Variants in COL25A1 observed in about 807,000 individuals in gnomAD.
COL25A1 encodes the protein collagen type XXV alpha 1 chain, also known as collagen alpha-1(XXV) chain.
Under a neutral mutation model 128.4 loss-of-function variants are expected in COL25A1, and 103 were observed. The observed-to-expected ratio is 0.80, with a 90% CI of 0.68 to 0.94. The LOEUF (loss-of-function observed/expected upper bound fraction) is 0.94, where lower values mean the gene tolerates loss of function less well. COL25A1 is among the 40% of genes least tolerant of loss of function. The pLI is 0.00. For synonymous variants in COL25A1, 279 were observed against 277.2 expected (o/e 1.01, Z -0.06); for missense variants, 745 against 840.0 (o/e 0.89, Z 1.40).
At chr4:108,827,084 G>T (rs959774357) in intron 33 of COL25A1, 51 bp downstream of exon 33, 2 of 1,512,934 alleles carry the variant, frequency 1.3e-6, no homozygotes, top group Admixed American at 3.4e-5. Flanking sequence ...GTCAGTGACT[G>T]GTCATCTATG....
intron 18 of COL25A1, among the ~76,000 whole-genome samples, chr4:108,886,469 TGTGTGTGTG>T (rs1740797582): frequency 8.1e-6 from 1 of 122,854 alleles, no homozygotes; most frequent in East Asian, 4.7e-4. Flanking sequence ...TGTGTGTGTG[TGTGTGTGTG>T]TGTGTGTGTG....
chr4:109,174,529 A>T (rs1156834661), intron 3 of COL25A1, among the ~76,000 whole-genome samples: 12 of 152,170 alleles, frequency 7.9e-5, no homozygotes, highest in Non-Finnish European at 1.8e-4. Flanking sequence ...TGCCTCTCAC[A>T]GCCTTTGCTC....
chr4:109,274,872 ACT>A (rs1233798720), intron 3 of COL25A1, among the ~76,000 whole-genome samples: 3 of 152,130 alleles, frequency 2.0e-5, no homozygotes, highest in South Asian at 2.1e-4. Context: ...CGAATAATTA[ACT>A]CTCTCTATGA....
At chr4:108,838,073 A>G (rs1201565568) in intron 31 of COL25A1, 2 of 1,505,138 alleles carry the variant, frequency 1.3e-6, no homozygotes, top group African/African-American at 2.8e-5. Flanking sequence ...GATTTGCACT[A>G]AAATGGAAAG....
chr4:108,941,206 A>C (rs1748045972), intron 9 of COL25A1, among the ~76,000 whole-genome samples, 160 bp downstream of exon 9: 1 of 152,204 alleles, frequency 6.6e-6, no homozygotes, highest in Non-Finnish European at 1.5e-5. Context: ...TTTCAAACAA[A>C]TGCAGCTCAC....
At chr4:109,281,116 T>C (rs1723349161) in intron 3 of COL25A1, among the ~76,000 whole-genome samples, 1 of 152,188 alleles carries the variant, frequency 6.6e-6, no homozygotes, top group South Asian at 2.1e-4. Flanking sequence ...AGTACAAGAA[T>C]ACACTTTACA....
intron 8 of COL25A1, among the ~76,000 whole-genome samples, chr4:108,953,496 T>G (rs951417617): frequency 6.6e-6 from 1 of 152,132 alleles, no homozygotes; most frequent in Non-Finnish European, 1.5e-5. Context: ...TGGAGTAAAC[T>G]GAAATGACTA....
chr4:109,195,413 A>G (rs548601495), intron 3 of COL25A1, among the ~76,000 whole-genome samples: 1 of 152,360 alleles, frequency 6.6e-6, no homozygotes, highest in South Asian at 2.1e-4. Flanking sequence ...CTTTATATCG[A>G]CTTATCTTAA....
chr4:109,056,293 G>T (rs1336007482), intron 3 of COL25A1, among the ~76,000 whole-genome samples: 1 of 151,852 alleles, frequency 6.6e-6, no homozygotes, highest in East Asian at 1.9e-4. Context: ...CTGTATTTTA[G>T]TTACAAACAA....
chr4:109,260,571 C>T (rs986984055), intron 3 of COL25A1, among the ~76,000 whole-genome samples: 7 of 152,148 alleles, frequency 4.6e-5, no homozygotes, highest in African/African-American at 1.7e-4. Flanking sequence ...TCTTGGCTCA[C>T]TGCAAGCTCC....
intron 6 of COL25A1, among the ~76,000 whole-genome samples, chr4:108,984,526 C>A (rs932270492): frequency 6.6e-6 from 1 of 152,204 alleles, no homozygotes; most frequent in Non-Finnish European, 1.5e-5. Flanking sequence ...CTGCAGGTCC[C>A]GAGCCCTGCC....
chr4:109,293,841 G>A (rs774013477), intron 3 of COL25A1, among the ~76,000 whole-genome samples: 1 of 152,022 alleles, frequency 6.6e-6, no homozygotes, highest in Non-Finnish European at 1.5e-5. Flanking sequence ...TATGTCAAAA[G>A]CATGACAGTG....
Position 108,995,319 on chromosome 4 carries a change from C to T in COL25A1, c.438+15039G>A, listed in dbSNP as rs141941896. On this transcript the variant is annotated intron_variant, in intron 6 of 37. Coordinates refer to ENST00000399132, the MANE Select transcript of COL25A1 (RefSeq NM_198721.4). ...ACCATGGCACAAGAACTTCGTGACA[C>T]GTGCACAAGCTTCAATAGTCGATTC... 5.8e-3 allele frequency among the ~76,000 whole-genome samples: 884 copies of T among 152,184 alleles called. 3 individuals carry two copies. The highest frequency in any genetic ancestry group is 9.6e-3 in the Non-Finnish European group (653 of 68,016).
chr4:108,944,759 A>C (rs1159765590), intron 8 of COL25A1, among the ~76,000 whole-genome samples: 2 of 152,124 alleles, frequency 1.3e-5, no homozygotes, highest in Admixed American at 6.5e-5. Flanking sequence ...TGAGATCTAA[A>C]GAGAGAATTG....
At chr4:109,238,468 G>A (rs543423478) in intron 3 of COL25A1, among the ~76,000 whole-genome samples, 2 of 151,978 alleles carry the variant, frequency 1.3e-5, no homozygotes, top group South Asian at 4.2e-4. Context: ...TTCAATCATC[G>A]ACCAAGTGCT....
At chr4:108,942,407 TA>T in intron 8 of COL25A1, 1 of 698,220 alleles carries the variant, frequency 1.4e-6, no homozygotes, top group South Asian at 1.8e-5. Flanking sequence ...TGACATACCA[TA>T]AACAAAATTA....
intron 6 of COL25A1, among the ~76,000 whole-genome samples, chr4:108,997,504 T>C (rs527323589): frequency 2.0e-5 from 3 of 152,052 alleles, no homozygotes; most frequent in Non-Finnish European, 4.4e-5. Context: ...CCAAAAAAAG[T>C]CCAAGACCAG....
In COL25A1 at chr4:109,067,998, G is replaced by A. The variant is rs1359521683; in HGVS notation, c.368-17819C>T. Among the ~76,000 whole-genome samples, 10 of 152,096 alleles carry A rather than the reference G, an allele frequency of 6.6e-5. No individual in the cohort carries two copies. The East Asian group carries it at 1.3e-3, about 21-fold the overall frequency. On this transcript the variant is annotated intron_variant, in intron 3 of 37. Coordinates refer to ENST00000399132, the MANE Select transcript of COL25A1 (RefSeq NM_198721.4). ...GAATGTCAAAGATGCAACAATAATC[G>A]AAAATCAAGTTCAGTTCTCATTACA...
intron 5 of COL25A1, among the ~76,000 whole-genome samples, chr4:109,036,232 T>C (rs1380108907): frequency 6.6e-6 from 1 of 150,860 alleles, no homozygotes; most frequent in African/African-American, 2.5e-5. Flanking sequence ...CGGCCCAAAC[T>C]AAAGATTTAA....
Sources: allele counts gnomAD v4.1 joint callset (sites outside exome capture counted in the v4.1 genomes callset), GRCh38; gene constraint gnomAD v4.1.1; transcripts MANE v1.5; gene names NCBI Gene and HGNC (gene_info 2026-07-23, HGNC 2026-07-21).